SIPA1L1: variants seen among roughly 807,000 people sequenced by gnomAD.
The protein encoded by SIPA1L1 is signal-induced proliferation-associated 1-like protein 1.
In SIPA1L1, 26 loss-of-function variants were observed where a neutral mutation model predicts 162.7. That is an observed-to-expected ratio of 0.16 (90% CI 0.12 to 0.22). The LOEUF (loss-of-function observed/expected upper bound fraction) is 0.22, where lower values mean the gene tolerates loss of function less well. SIPA1L1 is among the 10% of genes least tolerant of loss of function. The pLI is 1.00. For missense variants in SIPA1L1, 1,874 were observed against 2,241.0 expected (o/e 0.84, Z 3.31); for synonymous variants, 829 against 837.4 (o/e 0.99, Z 0.17).
chr14:71,341,837 A>C (rs1012797495), intron 2 of SIPA1L1, among the ~76,000 whole-genome samples: 2 of 151,640 alleles, frequency 1.3e-5, no homozygotes, highest in African/African-American at 4.9e-5. Flanking sequence ...ACATGATTTT[A>C]CTCTTTTTTT....
intron 2 of SIPA1L1, among the ~76,000 whole-genome samples, chr14:71,403,261 T>A (rs182058581): frequency 8.5e-5 from 13 of 152,252 alleles, no homozygotes; most frequent in African/African-American, 2.6e-4. Flanking sequence ...AGTGTACCTA[T>A]TAGTTATTTA....
chr14:71,680,355 A>G (rs559278145), intron 12 of SIPA1L1, among the ~76,000 whole-genome samples: 54 of 152,238 alleles, frequency 3.5e-4, no homozygotes, highest in Non-Finnish European at 6.8e-4. Context: ...GAAGGCAGAA[A>G]TTAAAATGTT....
intron 10 of SIPA1L1, among the ~76,000 whole-genome samples, chr14:71,669,484 T>C (rs1038481224): frequency 6.6e-6 from 1 of 152,212 alleles, no homozygotes; most frequent in Non-Finnish European, 1.5e-5. Context: ...GTGAAAGATA[T>C]TAAATATTTC....
At chr14:71,396,497 T>C (rs2041214259) in intron 2 of SIPA1L1, among the ~76,000 whole-genome samples, 1 of 152,208 alleles carries the variant, frequency 6.6e-6, no homozygotes, top group African/African-American at 2.4e-5. Context: ...ACTTGTTGAC[T>C]TGGGTTTGTG....
At chr14:71,419,354 T>C (rs1490850280) in intron 2 of SIPA1L1, among the ~76,000 whole-genome samples, 1 of 152,010 alleles carries the variant, frequency 6.6e-6, no homozygotes, top group Non-Finnish European at 1.5e-5. Context: ...TAGGTAACAT[T>C]TGATAAATAT....
intron 12 of SIPA1L1, 142 bp from the exon 13 acceptor site, chr14:71,685,220 A>G: frequency 1.2e-6 from 1 of 826,292 alleles, no homozygotes; most frequent in Non-Finnish European, 1.9e-6. Flanking sequence ...AATAAGTACT[A>G]GGGCCCAAAG....
intron 22 of SIPA1L1, among the ~76,000 whole-genome samples, chr14:71,737,173 G>T (rs1406390861): frequency 6.6e-6 from 1 of 152,190 alleles, no homozygotes; most frequent in Non-Finnish European, 1.5e-5. Context: ...TGTACACCAC[G>T]GTGGGTTTTG....
chr14:71,614,983 A>G (rs906810990), intron 5 of SIPA1L1, among the ~76,000 whole-genome samples: 1 of 152,006 alleles, frequency 6.6e-6, no homozygotes, highest in Non-Finnish European at 1.5e-5. Flanking sequence ...GATATATTAA[A>G]TATTTGGTTT....
chr14:71,686,809 G>T (rs185354100), intron 13 of SIPA1L1, among the ~76,000 whole-genome samples: 1 of 152,274 alleles, frequency 6.6e-6, no homozygotes, highest in African/African-American at 2.4e-5. Context: ...CTTAGACCTG[G>T]GGAGAAGTCT....
At chr14:71,619,282 C>G (rs2039166423) in intron 6 of SIPA1L1, among the ~76,000 whole-genome samples, 1 of 152,150 alleles carries the variant, frequency 6.6e-6, no homozygotes. Flanking sequence ...ACTTAATTCA[C>G]TCTTCCAAGC....
Position 71,710,807 on chromosome 14 carries a change from C to CAAA in SIPA1L1, c.4208+1159_4208+1161dup, listed in dbSNP as rs570414143. 3.9e-3 allele frequency among the ~76,000 whole-genome samples: 223 copies of CAAA among 57,630 alleles called. 2 individuals carry two copies. Among genetic ancestry groups the CAAA allele is most frequent in the Non-Finnish European group, 5.0e-3 (124 of 25,032 alleles). 37.8% of individuals were successfully genotyped at this position (57,630 alleles called of 152,430 possible). On this transcript the variant is annotated intron_variant, in intron 17 of 23. Coordinates refer to ENST00000381232, the MANE Select transcript of SIPA1L1 (RefSeq NM_001386936.1). ...TGGGCAACAGAGTGAGATTCTGTCT[C>CAAA]AAAAAAAAAAAAAAAAAAGAAAGAA...
intron 2 of SIPA1L1, among the ~76,000 whole-genome samples, chr14:71,466,630 C>T (rs1348238341): frequency 2.0e-5 from 3 of 150,920 alleles, no homozygotes; most frequent in Non-Finnish European, 4.4e-5. Flanking sequence ...TAATTGTGTC[C>T]TCATAGCAGC....
At chr14:71,410,986 TCAA>T (rs2042363351) in intron 2 of SIPA1L1, among the ~76,000 whole-genome samples, 1 of 152,182 alleles carries the variant, frequency 6.6e-6, no homozygotes, top group African/African-American at 2.4e-5. Context: ...AGGCTGGAGG[TCAA>T]ACTTCTCTTT....
chr14:71,401,132 G>C (rs1483859482), intron 2 of SIPA1L1, among the ~76,000 whole-genome samples: 1 of 152,106 alleles, frequency 6.6e-6, no homozygotes, highest in Non-Finnish European at 1.5e-5. Context: ...CTGATTTGTT[G>C]TTTAGCTTAA....
Position 71,702,367 on chromosome 14 carries a change from G to A in SIPA1L1, c.3522-14G>A, listed in dbSNP as rs767642208. The A allele has an allele frequency of 3.7e-6, 6 of 1,613,468 alleles. No homozygotes were observed. Among genetic ancestry groups the A allele is most frequent in the South Asian group, 3.3e-5 (3 of 91,018 alleles). On this transcript the variant is annotated splice_polypyrimidine_tract_variant and intron_variant, in intron 14 of 23. Transcript: ENST00000381232. ...TCCCTGATGTTGTCTTTGCCTTTGCGGAAATCACCACAGGTTTGGAGTGAG... is the reference window on the plus strand; with the variant it reads ...TCCCTGATGTTGTCTTTGCCTTTGCAGAAATCACCACAGGTTTGGAGTGAG...
chr14:71,432,934 A>G (rs544740749), intron 2 of SIPA1L1, among the ~76,000 whole-genome samples: 23 of 152,334 alleles, frequency 1.5e-4, no homozygotes, highest in African/African-American at 5.1e-4. Flanking sequence ...TAGCTCTTCC[A>G]CTGAACATGC....
intron 2 of SIPA1L1, among the ~76,000 whole-genome samples, chr14:71,361,234 G>C (rs1417797878): frequency 6.6e-6 from 1 of 152,136 alleles, no homozygotes; most frequent in Non-Finnish European, 1.5e-5. Context: ...TTTCACAGTT[G>C]ATAAGAAAGC....
chr14:71,368,281 G>GGTAT (rs1485227815), intron 2 of SIPA1L1, among the ~76,000 whole-genome samples: 1 of 142,798 alleles, frequency 7.0e-6, no homozygotes, highest in African/African-American at 2.6e-5. Flanking sequence ...TCTAGCCTTA[G>GGTAT]GTATATCTCC....
At chr14:71,484,088 C>T (rs1409411144) in intron 2 of SIPA1L1, among the ~76,000 whole-genome samples, 1 of 152,150 alleles carries the variant, frequency 6.6e-6, no homozygotes, top group Non-Finnish European at 1.5e-5. Flanking sequence ...GAAACGGACA[C>T]ATATAATAGA....
Sources: gnomAD v4.1 joint callset for allele counts (sites outside exome capture counted in the v4.1 genomes callset) on GRCh38, gnomAD v4.1.1 for gene constraint, MANE v1.5 for transcripts, NCBI Gene and HGNC (gene_info 2026-07-23, HGNC 2026-07-21) for gene names.